GRIK4: variants seen among roughly 807,000 people sequenced by gnomAD.
GRIK4 encodes the protein glutamate ionotropic receptor kainate type subunit 4, also known as glutamate receptor ionotropic, kainate 4.
A neutral mutation model predicts 104.9 loss-of-function variants in GRIK4; 40 were observed. The observed-to-expected ratio is 0.38, with a 90% CI of 0.30 to 0.50. The LOEUF is 0.50. Among genes scored for constraint, GRIK4 ranks in the 20% least tolerant of loss-of-function variants. GRIK4 has a pLI of 0.93. For synonymous variants in GRIK4, 485 were observed against 524.9 expected (o/e 0.92, Z 1.04); for missense variants, 1,047 against 1,308.1 (o/e 0.80, Z 3.08).
intron 1 of GRIK4, among the ~76,000 whole-genome samples, chr11:120,597,683 T>C (rs1165660001): frequency 6.6e-6 from 1 of 152,092 alleles, no homozygotes; most frequent in Non-Finnish European, 1.5e-5. Flanking sequence ...GCGTGCTGCC[T>C]GTTCAGTGCA....
rs141192498 is a variant in GRIK4, at chr11:120,905,466, G to A, written c.1449G>A (p.Thr483=). 230 of 1,612,814 alleles carry A rather than the reference G, an allele frequency of 1.4e-4. No individual in the cohort carries two copies. Among genetic ancestry groups the A allele is most frequent in the Non-Finnish European group, 1.8e-4 (218 of 1,179,666 alleles). Residue 483 remains threonine (T), a synonymous_variant, in exon 13 of 21, where the codon ACG becomes ACA. Coordinates refer to ENST00000527524, the MANE Select transcript of GRIK4 (RefSeq NM_014619.5). This position sits in a 1 kb window ranked among gnomAD's most constrained non-coding sequence, Gnocchi z 5.1. ...TTCCCGAGGCCAACGGCACCTGGACGGGAATGGTCGGGGAGCTGATCGCTA... is the reference window on the plus strand; with the variant it reads ...TTCCCGAGGCCAACGGCACCTGGACAGGAATGGTCGGGGAGCTGATCGCTA... ...YGVPEANGTW[T]GMVGELIARK... is the part of the protein sequence containing the mutation.
intron 1 of GRIK4, among the ~76,000 whole-genome samples, chr11:120,533,613 C>T (rs961182723): frequency 6.6e-6 from 1 of 152,210 alleles, no homozygotes; most frequent in African/African-American, 2.4e-5. Flanking sequence ...TGTGGTGGCT[C>T]ACACCTGTAA....
chr11:120,889,975 G>A (rs1955237551), intron 11 of GRIK4, among the ~76,000 whole-genome samples: 1 of 152,156 alleles, frequency 6.6e-6, no homozygotes, highest in South Asian at 2.1e-4. Flanking sequence ...CTAATAAGGG[G>A]AGAAGGGAAG....
chr11:120,735,089 C>T (rs1191830622), intron 3 of GRIK4, among the ~76,000 whole-genome samples: 1 of 152,110 alleles, frequency 6.6e-6, no homozygotes, highest in Non-Finnish European at 1.5e-5. Context: ...TATTTAGTTC[C>T]TTTGCTGAGG....
chr11:120,755,641 A>AAAT (rs370369560), intron 3 of GRIK4, among the ~76,000 whole-genome samples: 3,593 of 149,474 alleles, frequency 0.024, 103 homozygotes, highest in African/African-American at 0.072. Context: ...CAAAGATAAT[A>AAAT]AATAATAATA....
At chr11:120,780,017 T>A (rs1202094554) in intron 3 of GRIK4, among the ~76,000 whole-genome samples, 1 of 152,204 alleles carries the variant, frequency 6.6e-6, no homozygotes, top group African/African-American at 2.4e-5. Flanking sequence ...GGAGGCAATT[T>A]TTCTGGACTT....
rs149989811 is a variant in GRIK4 at position 120,919,678 on chromosome 11, C to G, written c.1476+14185C>G. ...GGGAAAGAACTGGAAGCAAAGAGAC[C>G]AGTGCAGAAGCTACTGAATAATTCA... On this transcript the variant is annotated intron_variant, in intron 13 of 20. Coordinates refer to ENST00000527524, the MANE Select transcript of GRIK4 (RefSeq NM_014619.5). Among the ~76,000 whole-genome samples the G allele has an allele frequency of 2.0e-3, 297 of 152,240 alleles. 2 individuals carry two copies. The highest frequency in any genetic ancestry group is 6.8e-3 in the African/African-American group (283 of 41,542).
At chr11:120,796,315 G>T (rs540639994) in intron 3 of GRIK4, among the ~76,000 whole-genome samples, 2 of 152,166 alleles carry the variant, frequency 1.3e-5, no homozygotes, top group Admixed American at 6.5e-5. Context: ...GATTACAGGC[G>T]TGAGCCATCG....
intron 3 of GRIK4, among the ~76,000 whole-genome samples, chr11:120,789,481 T>C (rs1952353981): frequency 1.3e-5 from 2 of 152,144 alleles, no homozygotes; most frequent in African/African-American, 2.4e-5. Flanking sequence ...ACTACCTGTC[T>C]CATTTCTCTT....
intron 6 of GRIK4, among the ~76,000 whole-genome samples, chr11:120,823,997 C>T (rs1307181540): frequency 6.6e-6 from 1 of 152,152 alleles, no homozygotes; most frequent in Non-Finnish European, 1.5e-5. Flanking sequence ...AAATGCAGCT[C>T]AGAGCTCTGA....
rs189293738 is a variant in GRIK4 at position 120,609,245 on chromosome 11, C to T, written c.-158-44440C>T. Among the ~76,000 whole-genome samples the T allele has an allele frequency of 9.7e-4, 147 of 151,822 alleles. 1 individual carries two copies. The highest frequency in any genetic ancestry group is 3.5e-3 in the African/African-American group (145 of 41,404). ...GGGTGCAGGCAGGTGGGGGTGAAGT[C>T]GAAGACAGTTCTGGGCTTGCATCTG... On this transcript the variant is annotated intron_variant, in intron 1 of 20. Transcript: ENST00000527524.
At chr11:120,592,271 G>C (rs937142336) in intron 1 of GRIK4, among the ~76,000 whole-genome samples, 1 of 152,220 alleles carries the variant, frequency 6.6e-6, no homozygotes, top group African/African-American at 2.4e-5. Context: ...TGATGAAGCA[G>C]CCCAGAACTT....
At chr11:120,658,967 C>G (rs894144135) in intron 2 of GRIK4, among the ~76,000 whole-genome samples, 3 of 151,954 alleles carry the variant, frequency 2.0e-5, no homozygotes, top group Non-Finnish European at 4.4e-5. Context: ...CCAGGATGGT[C>G]TTGATCTTCT....
At chr11:120,934,417 C>A (rs924766717) in intron 13 of GRIK4, among the ~76,000 whole-genome samples, 3 of 152,026 alleles carry the variant, frequency 2.0e-5, no homozygotes, top group African/African-American at 7.2e-5. Context: ...GGAGTGGGAG[C>A]AGGGGGCCCA....
Position 120,592,286 on chromosome 11 carries a change from G to A in GRIK4, c.-158-61399G>A, listed in dbSNP as rs115879967. On this transcript the variant is annotated intron_variant, in intron 1 of 20. Coordinates refer to ENST00000527524, the MANE Select transcript of GRIK4 (RefSeq NM_014619.5). ...TGATGAAGCAGCCCAGAACTTGTGC[G>A]GAAGTCCATGGGGAAATGCCGTCTG... Among the ~76,000 whole-genome samples, 392 of 152,320 alleles carry A rather than the reference G, an allele frequency of 2.6e-3. 1 individual carries two copies. The highest frequency in any genetic ancestry group is 9.0e-3 in the African/African-American group (374 of 41,572).
chr11:120,846,938 C>G (rs1953866081), intron 8 of GRIK4, among the ~76,000 whole-genome samples: 1 of 152,138 alleles, frequency 6.6e-6, no homozygotes, highest in Non-Finnish European at 1.5e-5. Context: ...CTGTCCAGAT[C>G]CCCCAGAGTG....
chr11:120,927,031 A>G (rs1943362322), intron 13 of GRIK4, among the ~76,000 whole-genome samples: 1 of 152,208 alleles, frequency 6.6e-6, no homozygotes, highest in Non-Finnish European at 1.5e-5. Context: ...GGCAGAGCAT[A>G]TGTGGAGGGG....
chr11:120,754,455 A>T (rs887767300), intron 3 of GRIK4, among the ~76,000 whole-genome samples: 1 of 152,180 alleles, frequency 6.6e-6, no homozygotes, highest in Admixed American at 6.5e-5. Flanking sequence ...ATAATATTCC[A>T]TTGTATGGCT....
At chr11:120,885,180 T>C (rs1237078499) in intron 11 of GRIK4, among the ~76,000 whole-genome samples, 1 of 152,226 alleles carries the variant, frequency 6.6e-6, no homozygotes, top group African/African-American at 2.4e-5. Flanking sequence ...CGGCAGCTAA[T>C]TCAAAACACC....
Sources: allele counts gnomAD v4.1 joint callset (sites outside exome capture counted in the v4.1 genomes callset), GRCh38; gene constraint gnomAD v4.1.1; non-coding constraint Gnocchi (gnomAD v3.1); transcripts MANE v1.5; gene names NCBI Gene and HGNC (gene_info 2026-07-23, HGNC 2026-07-21).